FMN2: variants seen among roughly 807,000 people sequenced by gnomAD.
FMN2 encodes formin 2.
FMN2 carries 51 observed loss-of-function variants against 142.3 expected under a neutral mutation model. The observed-to-expected ratio is 0.36, with a 90% CI of 0.29 to 0.45. The LOEUF is 0.45. Ranked by LOEUF, FMN2 falls within the 20% of genes least tolerant of loss-of-function variation. The pLI is 1.00. For missense variants in FMN2, 1,936 were observed against 2,122.8 expected (o/e 0.91, Z 1.73); for synonymous variants, 882 against 869.8 (o/e 1.01, Z -0.25).
rs540771911 is a variant in FMN2, at chr1:240,366,428, T to C, written c.4858+10520T>C. Among the ~76,000 whole-genome samples, 6 of 152,360 alleles carry C rather than the reference T, an allele frequency of 3.9e-5. No homozygotes were observed. In the South Asian group the frequency reaches 1.2e-3, roughly 32 times the overall value. ...TGCTGCAACTTAGTTTTTTCTCCACTGAACGTGGTTTTTGAAATTCTTTCA... is the reference window on the plus strand; with the variant it reads ...TGCTGCAACTTAGTTTTTTCTCCACCGAACGTGGTTTTTGAAATTCTTTCA... On this transcript the variant is annotated intron_variant, in intron 14 of 17. Transcript: ENST00000319653.
intron 4 of FMN2, among the ~76,000 whole-genome samples, chr1:240,190,315 G>T (rs188651703): frequency 6.6e-6 from 1 of 152,146 alleles, no homozygotes; most frequent in Non-Finnish European, 1.5e-5. Flanking sequence ...GGAAGCAATC[G>T]ATTTTAAGCA....
intron 6 of FMN2, among the ~76,000 whole-genome samples, chr1:240,255,622 T>C (rs917012216): frequency 1.3e-5 from 2 of 152,142 alleles, no homozygotes; most frequent in African/African-American, 4.8e-5. Context: ...GTAGGAGTCT[T>C]GACTGGTTTC....
intron 15 of FMN2, among the ~76,000 whole-genome samples, chr1:240,395,370 G>A (rs1480736915): frequency 1.3e-5 from 2 of 152,170 alleles, no homozygotes; most frequent in African/African-American, 4.8e-5. Flanking sequence ...ATGGATCAAG[G>A]AGTAATTTTG....
intron 16 of FMN2, among the ~76,000 whole-genome samples, chr1:240,466,051 A>G (rs2103238339): frequency 6.6e-6 from 1 of 152,344 alleles, no homozygotes; most frequent in South Asian, 2.1e-4. Context: ...TCGTTGTTTA[A>G]AATAACCCTT....
At chr1:240,309,779 C>T (rs760580292) in intron 8 of FMN2, among the ~76,000 whole-genome samples, 16 of 152,062 alleles carry the variant, frequency 1.1e-4, no homozygotes, top group Non-Finnish European at 1.8e-4. Flanking sequence ...TCCGTTATCT[C>T]GGATTCAGTT....
intron 2 of FMN2, among the ~76,000 whole-genome samples, chr1:240,133,167 GTTTTA>G (rs1199060330): frequency 1.3e-5 from 2 of 152,058 alleles, no homozygotes; most frequent in African/African-American, 4.8e-5. Flanking sequence ...TGATCATGTT[GTTTTA>G]TTTTATTTTT....
chr1:240,224,695 G>C (rs182932251), intron 6 of FMN2, among the ~76,000 whole-genome samples: 2 of 152,066 alleles, frequency 1.3e-5, no homozygotes, highest in African/African-American at 2.4e-5. Flanking sequence ...CGTGCTGCTC[G>C]CCGCACAGAA....
chr1:240,174,028 G>T (rs1664812680), intron 2 of FMN2, among the ~76,000 whole-genome samples: 1 of 152,116 alleles, frequency 6.6e-6, no homozygotes, highest in Admixed American at 6.6e-5. Flanking sequence ...TGCCAGGTCT[G>T]GAGCCTCTCA....
intron 7 of FMN2, among the ~76,000 whole-genome samples, chr1:240,264,232 C>T (rs1211831870): frequency 1.3e-5 from 2 of 152,056 alleles, no homozygotes; most frequent in Non-Finnish European, 2.9e-5. Flanking sequence ...CTGTTTTGGT[C>T]TGCCATTGTC....
Position 240,092,386 on chromosome 1 carries a change from T to G in FMN2, c.277T>G (p.Ser93Ala). ...GTCCAAGGGGAAAGGCGCCGGCGGC[T>G]CCCGCGAAGATGTACTGGATTCCCA... ...NLSKGKGAGG[S>A]REDVLDSQAL... Residue 93 changes from serine to alanine, a missense_variant, in exon 1 of 18, where the codon TCC becomes GCC. By Grantham distance (99) the Ser-to-Ala change is moderately conservative. Transcript: ENST00000319653. 1 of 1,612,274 alleles carries G rather than the reference T, an allele frequency of 6.2e-7. No homozygotes were observed. Among genetic ancestry groups the G allele is most frequent in the Non-Finnish European group, 8.5e-7 (1 of 1,179,538 alleles).
chr1:240,252,640 G>T (rs919970543), intron 6 of FMN2, among the ~76,000 whole-genome samples: 1 of 151,418 alleles, frequency 6.6e-6, no homozygotes. Context: ...TCTGACGGGG[G>T]GGGTGGTTCT....
At chr1:240,465,263 AC>A (rs1676573633) in intron 16 of FMN2, among the ~76,000 whole-genome samples, 1 of 150,682 alleles carries the variant, frequency 6.6e-6, no homozygotes, top group South Asian at 2.1e-4. Context: ...GGCTTTTCTA[AC>A]CAGCCTTTGT....
chr1:240,361,132 A>AATAAAT (rs1672450710), intron 14 of FMN2, among the ~76,000 whole-genome samples: 5 of 35,736 alleles, frequency 1.4e-4, no homozygotes, highest in African/African-American at 1.6e-4. Context: ...ATAATAAATA[A>AATAAAT]ATATATGTGT....
intron 2 of FMN2, among the ~76,000 whole-genome samples, chr1:240,134,377 G>A (rs920137035): frequency 6.6e-6 from 1 of 152,090 alleles, no homozygotes; most frequent in Non-Finnish European, 1.5e-5. Context: ...CAGCACTTTG[G>A]GATTGGGAAG....
intron 8 of FMN2, among the ~76,000 whole-genome samples, chr1:240,320,210 T>C (rs970531693): frequency 2.6e-5 from 4 of 152,110 alleles, no homozygotes; most frequent in Non-Finnish European, 4.4e-5. Flanking sequence ...ACAGTACTTG[T>C]AGACTGAAAC....
intron 5 of FMN2, 102 bp downstream of exon 5, chr1:240,208,834 C>G (rs1448788813): frequency 2.1e-6 from 3 of 1,428,962 alleles, no homozygotes; most frequent in African/African-American, 2.9e-5. Context: ...TTTTTAAGCA[C>G]AACTCTAAAA....
At chr1:240,310,274 T>C (rs1670558402) in intron 8 of FMN2, among the ~76,000 whole-genome samples, 1 of 152,232 alleles carries the variant, frequency 6.6e-6, no homozygotes, top group Admixed American at 6.5e-5. Flanking sequence ...CACTTTCTTT[T>C]TGCCAGATGC....
chr1:240,384,292 T>A (rs2103086024), intron 14 of FMN2, among the ~76,000 whole-genome samples: 1 of 152,004 alleles, frequency 6.6e-6, no homozygotes, highest in Non-Finnish European at 1.5e-5. Context: ...TACCCCAGAA[T>A]CTAAAATAAT....
At chr1:240,222,906 A>AT (rs1364868386) in intron 6 of FMN2, among the ~76,000 whole-genome samples, 16 of 151,690 alleles carry the variant, frequency 1.1e-4, no homozygotes, top group African/African-American at 3.9e-4. Flanking sequence ...AGACGATGGG[A>AT]TTTTCTAAAT....
Sources: allele counts gnomAD v4.1 joint callset (sites outside exome capture counted in the v4.1 genomes callset), GRCh38; gene constraint gnomAD v4.1.1; transcripts MANE v1.5; gene names NCBI Gene and HGNC (gene_info 2026-07-23, HGNC 2026-07-21).